CACNA1C: variants seen among roughly 807,000 people sequenced by gnomAD.
CACNA1C encodes the protein voltage-dependent L-type calcium channel subunit alpha-1C.
In CACNA1C, 30 loss-of-function variants were observed where a neutral mutation model predicts 229.0. The observed-to-expected ratio is 0.13, with a 90% CI of 0.10 to 0.18. The LOEUF is 0.18. Ranked by LOEUF, CACNA1C falls within the 10% of genes least tolerant of loss-of-function variation. The pLI, the probability that CACNA1C is intolerant of heterozygous loss-of-function variation, is 1.00. For synonymous variants in CACNA1C, 1,114 were observed against 1,132.5 expected (o/e 0.98, Z 0.33); for missense variants, 1,658 against 2,845.0 (o/e 0.58, Z 9.49).
chr12:2,090,787 C>G (rs1278122046), intron 1 of CACNA1C, among the ~76,000 whole-genome samples: 2 of 152,162 alleles, frequency 1.3e-5, no homozygotes, highest in Non-Finnish European at 2.9e-5. Flanking sequence ...TGTAGTAGTT[C>G]TATTTTTAAT....
intron 1 of CACNA1C, among the ~76,000 whole-genome samples, chr12:1,998,906 T>G (rs1291408780): frequency 6.6e-6 from 1 of 152,200 alleles, no homozygotes; most frequent in African/African-American, 2.4e-5. Flanking sequence ...CATTCAAAAT[T>G]TAAGTACTCT....
At chr12:2,684,472 G>A (rs1182521067) in intron 43 of CACNA1C, among the ~76,000 whole-genome samples, 2 of 152,194 alleles carry the variant, frequency 1.3e-5, no homozygotes, top group Non-Finnish European at 2.9e-5. Flanking sequence ...ATCAGGAAGA[G>A]CATATATTTT....
intron 3 of CACNA1C, among the ~76,000 whole-genome samples, chr12:2,173,003 T>TC (rs992547035): frequency 3.3e-5 from 5 of 152,162 alleles, no homozygotes; most frequent in Admixed American, 2.0e-4. Flanking sequence ...GACAGGAGAC[T>TC]GGCGTCTGTC....
Position 2,486,711 on chromosome 12 carries a change from C to CT in CACNA1C, c.916+450dup. Among the ~76,000 whole-genome samples the CT allele has an allele frequency of 6.6e-6, 1 of 152,344 alleles. No homozygotes were observed. Among genetic ancestry groups the CT allele is most frequent in the Middle Eastern group, 3.4e-3 (1 of 294 alleles). On this transcript the variant is annotated intron_variant, in intron 6 of 46. Transcript: ENST00000399655. The surrounding 1 kb of genome is among the most constrained non-coding windows in gnomAD (Gnocchi z 4.9). Reference sequence around the variant, plus strand: ...AGCAACAGGTTCTCCCAGCACCACTCTAAGATTTTTCTACCTTCATGGTGC... The same window carrying CT: ...AGCAACAGGTTCTCCCAGCACCACTCTTAAGATTTTTCTACCTTCATGGTGC...
intron 34 of CACNA1C, among the ~76,000 whole-genome samples, chr12:2,656,523 T>TC (rs1171356118): frequency 6.6e-6 from 1 of 152,180 alleles, no homozygotes; most frequent in East Asian, 1.9e-4. Flanking sequence ...ATCTACAAAT[T>TC]CAATGCAATT....
At chr12:2,172,203 G>A (rs11062139) in intron 3 of CACNA1C, among the ~76,000 whole-genome samples, 16,281 of 152,182 alleles carry the variant, frequency 0.11, 1,200 homozygotes, top group Non-Finnish European at 0.16. Flanking sequence ...GAGCTTGAGC[G>A]CAGGGAAGTA....
chr12:2,501,471 G>A (rs895205285), intron 7 of CACNA1C, among the ~76,000 whole-genome samples: 1 of 152,132 alleles, frequency 6.6e-6, no homozygotes, highest in Non-Finnish European at 1.5e-5. Flanking sequence ...ACAAGTAGGC[G>A]CTCGGTAAAT....
chr12:2,047,472 G>C (rs1447608501), intron 1 of CACNA1C, among the ~76,000 whole-genome samples: 2 of 152,204 alleles, frequency 1.3e-5, no homozygotes, highest in African/African-American at 4.8e-5. Flanking sequence ...CTCATAGCAG[G>C]CAGAACCTGG....
At chr12:2,351,480 G>T (rs116522329) in intron 3 of CACNA1C, among the ~76,000 whole-genome samples, 2,101 of 152,286 alleles carry the variant, frequency 0.014, 78 homozygotes, top group African/African-American at 0.048. Flanking sequence ...GAGGTGGTCT[G>T]GTTTCCTCAG....
chr12:2,452,919 G>A (rs74062379), intron 4 of CACNA1C, among the ~76,000 whole-genome samples: 1 of 152,312 alleles, frequency 6.6e-6, no homozygotes, highest in African/African-American at 2.4e-5. Flanking sequence ...CTAGGCTTCA[G>A]TGGAAAGAAC....
intron 3 of CACNA1C, among the ~76,000 whole-genome samples, chr12:2,147,018 C>G (rs773515019): frequency 1.3e-5 from 2 of 150,844 alleles, no homozygotes; most frequent in Non-Finnish European, 3.0e-5. Flanking sequence ...GCTCTCCAAC[C>G]CCCCCAATTA....
intron 6 of CACNA1C, among the ~76,000 whole-genome samples, chr12:2,491,962 TTCTCTCTC>T (rs57394200): frequency 2.2e-3 from 320 of 147,174 alleles, no homozygotes; most frequent in South Asian, 4.9e-3. Flanking sequence ...TATAAGCAAA[TTCTCTCTC>T]TCTCTCTCTC....
intron 3 of CACNA1C, among the ~76,000 whole-genome samples, chr12:2,237,164 A>G (rs1302783331): frequency 6.6e-6 from 1 of 152,206 alleles, no homozygotes; most frequent in African/African-American, 2.4e-5. Flanking sequence ...TTGGGGGGAA[A>G]TCTTAATTCC....
At chr12:2,184,596 T>C (rs754948116) in intron 3 of CACNA1C, among the ~76,000 whole-genome samples, 1 of 152,240 alleles carries the variant, frequency 6.6e-6, no homozygotes, top group Non-Finnish European at 1.5e-5. Flanking sequence ...TTAAGTATCT[T>C]TCTACATAGT....
intron 5 of CACNA1C, among the ~76,000 whole-genome samples, chr12:2,460,061 A>C (rs2099489240): frequency 6.6e-6 from 1 of 152,230 alleles, no homozygotes; most frequent in Non-Finnish European, 1.5e-5. Flanking sequence ...GGTCAGCTGC[A>C]GCTCTTCTGC....
chr12:2,555,896 C>T (rs1322502829), intron 10 of CACNA1C, among the ~76,000 whole-genome samples: 6 of 151,860 alleles, frequency 4.0e-5, no homozygotes, highest in Admixed American at 6.5e-5. Context: ...CGCAGGCCTG[C>T]GGCGGTTGCC....
At chr12:2,587,026 C>T (rs2062768100) in intron 18 of CACNA1C, among the ~76,000 whole-genome samples, 1 of 152,172 alleles carries the variant, frequency 6.6e-6, no homozygotes, top group African/African-American at 2.4e-5. Flanking sequence ...AACAAATACA[C>T]TTTAAAATGA....
At chr12:2,352,047 C>T (rs575039043) in intron 3 of CACNA1C, among the ~76,000 whole-genome samples, 3 of 152,320 alleles carry the variant, frequency 2.0e-5, no homozygotes, top group Non-Finnish European at 2.9e-5. Context: ...AGGCTTTCAC[C>T]CAAAATGCAG....
intron 4 of CACNA1C, among the ~76,000 whole-genome samples, chr12:2,450,553 CAAAAAAAAAAAAAA>C (rs796416420): frequency 5.1e-5 from 2 of 39,018 alleles, no homozygotes; most frequent in African/African-American, 8.4e-5. Flanking sequence ...GACTCCATCT[CAAAAAAAAAAAAAA>C]AAAAAAAAAA....
Sources: allele counts gnomAD v4.1 joint callset (sites outside exome capture counted in the v4.1 genomes callset), GRCh38; gene constraint gnomAD v4.1.1; non-coding constraint Gnocchi (gnomAD v3.1); transcripts MANE v1.5; gene names NCBI Gene and HGNC (gene_info 2026-07-23, HGNC 2026-07-21).